Variants in TUBG2 observed in about 807,000 individuals in gnomAD.
The protein encoded by TUBG2 is tubulin gamma-2 chain.
A neutral mutation model predicts 55.1 loss-of-function variants in TUBG2; 39 were observed. The ratio of observed to expected loss-of-function variants is 0.71; its 90% CI spans 0.55 to 0.93. The LOEUF (loss-of-function observed/expected upper bound fraction) is 0.93. TUBG2 is among the 40% of genes least tolerant of loss of function. The pLI is 0.00. For synonymous variants in TUBG2, 223 were observed against 241.0 expected (o/e 0.93, Z 0.69); for missense variants, 358 against 599.1 (o/e 0.60, Z 4.20).
At chr17:42,664,442 A>G (rs753579179) in intron 6 of TUBG2, among the ~76,000 whole-genome samples, 43 of 152,186 alleles carry the variant, frequency 2.8e-4, no homozygotes, top group Non-Finnish European at 5.1e-4. Context: ...GTTTCTTAGA[A>G]TCCTTTTAGG....
At chr17:42,665,586 T>C (rs2052510985) in intron 7 of TUBG2, 24 bp downstream of exon 7, 3 of 1,613,962 alleles carry the variant, frequency 1.9e-6, no homozygotes, top group Non-Finnish European at 2.5e-6. Context: ...CCCGGACTCC[T>C]TTGGACTGGA....
intron 3 of TUBG2, 47 bp downstream of exon 3, chr17:42,660,363 G>T (rs780637715): frequency 5.0e-6 from 8 of 1,611,664 alleles, no homozygotes; most frequent in South Asian, 2.2e-5. Flanking sequence ...CCATCCAGAG[G>T]CAAGGCAGGC....
intron 4 of TUBG2, chr17:42,660,949 C>T: frequency 2.2e-6 from 1 of 452,346 alleles, no homozygotes; most frequent in Non-Finnish European, 4.1e-6. Context: ...AGCTCCAAAC[C>T]TTCCCAAGGA....
In TUBG2 at chr17:42,666,834, G is replaced by A. The variant is rs780532807; in HGVS notation, c.*34G>A. On this transcript the variant is annotated 3_prime_UTR_variant, in exon 11 of 11. Transcript: ENST00000251412. ...CCCACTACTCCTTCTCCTTCTAGAT[G>A]GTAACCACAGCCTCGACCATGCCTG... The A allele has an allele frequency of 6.2e-7, 1 of 1,611,562 alleles. No individual in the cohort carries two copies.
Position 42,666,080 on chromosome 17 carries a change from C to T in TUBG2, c.844-7C>T, listed in dbSNP as rs374514050. The T allele has an allele frequency of 4.3e-6, 7 of 1,613,840 alleles. No individual in the cohort carries two copies. In the African/African-American group the frequency reaches 9.3e-5, roughly 22 times the overall value. ...CTGGCCGGGTCCCTGTCTCACTGTCCCATCAGGTGGCCAGCGTGAGGAAGA... is the reference window on the plus strand; with the variant it reads ...CTGGCCGGGTCCCTGTCTCACTGTCTCATCAGGTGGCCAGCGTGAGGAAGA... On this transcript the variant is annotated splice_region_variant and splice_polypyrimidine_tract_variant and intron_variant, in intron 8 of 10. Transcript: ENST00000251412.
rs1597774500 is a variant in TUBG2 at position 42,663,489 on chromosome 17, A to G, written c.592A>G (p.Asn198Asp). ...CCTGACACTCAAGAGGCTGACGCAGAACGCAGATTGTGTGGTGAGCAAAGA... is the reference window on the plus strand; with the variant it reads ...CCTGACACTCAAGAGGCTGACGCAGGACGCAGATTGTGTGGTGAGCAAAGA... ...SLLTLKRLTQ[N>D]ADCVVVLDNT... Residue 198 changes from asparagine to aspartate, a missense_variant, in exon 6 of 11, where the codon AAC (asparagine) becomes GAC (aspartate). By Grantham distance (23) the Asn-to-Asp change is conservative (BLOSUM62 1). Coordinates refer to ENST00000251412, the MANE Select transcript of TUBG2 (RefSeq NM_016437.3). 1 of 1,614,064 alleles carries G rather than the reference A, an allele frequency of 6.2e-7. No individual in the cohort carries two copies. Among genetic ancestry groups the G allele is most frequent in the East Asian group, 2.2e-5 (1 of 44,880 alleles).
At chr17:42,659,658 GC>G (rs533938927) in intron 1 of TUBG2, 106 bp downstream of exon 1, 4 of 1,394,604 alleles carry the variant, frequency 2.9e-6, no homozygotes, top group South Asian at 2.8e-5. Context: ...TGAACCCCCT[GC>G]CCTGCTGCTC....
At chr17:42,662,001 C>T (rs1240779947) in intron 4 of TUBG2, among the ~76,000 whole-genome samples, 1 of 152,172 alleles carries the variant, frequency 6.6e-6, no homozygotes, top group African/African-American at 2.4e-5. Context: ...AGGATGTAAA[C>T]ACATCACAAA....
rs182858679 is a variant in TUBG2 at position 42,664,153 on chromosome 17, G to A, written c.606+650G>A. On this transcript the variant is annotated intron_variant, in intron 6 of 10. Coordinates refer to ENST00000251412, the MANE Select transcript of TUBG2 (RefSeq NM_016437.3). Reference sequence around the variant, plus strand: ...TAGCCGGGCATGGTGGCATGTGCCTGTAGTACTAGCTACATGGGAGGCTGA... The same window carrying A: ...TAGCCGGGCATGGTGGCATGTGCCTATAGTACTAGCTACATGGGAGGCTGA... 5.6e-3 allele frequency among the ~76,000 whole-genome samples: 848 copies of A among 152,026 alleles called. 10 individuals are homozygous for A. The highest frequency in any genetic ancestry group is 0.014 in the African/African-American group (592 of 41,442).
intron 8 of TUBG2, 81 bp downstream of exon 8, chr17:42,665,908 T>C: frequency 6.2e-7 from 1 of 1,600,220 alleles, no homozygotes; most frequent in Non-Finnish European, 8.5e-7. Flanking sequence ...TCTTCCCCAC[T>C]GCCCCAGGAG....
chr17:42,660,169 C>T lies in TUBG2; in HGVS notation c.183C>T (p.Ile61=), dbSNP rs753734542. The T allele has an allele frequency of 2.5e-6, 4 of 1,603,148 alleles. No homozygotes were observed. Among genetic ancestry groups the T allele is most frequent in the Middle Eastern group, 1.7e-4 (1 of 6,024 alleles). Residue 61 remains isoleucine (I), a synonymous_variant, in exon 3 of 11, where the codon ATC becomes ATT. Coordinates refer to ENST00000251412, the MANE Select transcript of TUBG2 (RefSeq NM_016437.3). ...FFYQADDEHY[I]PRAVLLDLEP... ...GACAGGCAGACGATGAGCACTACAT[C>T]CCCCGGGCCGTGCTGCTGGACTTGG...
At chr17:42,663,107 T>C in intron 5 of TUBG2, 55 bp downstream of exon 5, 1 of 1,569,022 alleles carries the variant, frequency 6.4e-7, no homozygotes, top group Admixed American at 1.7e-5. Flanking sequence ...GTAATGTCAT[T>C]GCTTTTTTCT....
intron 8 of TUBG2, 127 bp downstream of exon 8, chr17:42,665,954 G>A: frequency 6.3e-7 from 1 of 1,587,240 alleles, no homozygotes; most frequent in South Asian, 1.2e-5. Context: ...TGCGCTCAGG[G>A]ACTGGCACAG....
At chr17:42,661,764 G>T (rs1291566746) in intron 4 of TUBG2, among the ~76,000 whole-genome samples, 1 of 152,222 alleles carries the variant, frequency 6.6e-6, no homozygotes, top group Admixed American at 6.5e-5. Flanking sequence ...ATGAACGTAA[G>T]TAAGTGTCTC....
chr17:42,662,116 G>A (rs750276935), intron 4 of TUBG2, among the ~76,000 whole-genome samples: 5 of 151,964 alleles, frequency 3.3e-5, no homozygotes, highest in Non-Finnish European at 5.9e-5. Context: ...ACCAGCCTGG[G>A]CAACATGGTG....
At chr17:42,663,761 T>G (rs1279760521) in intron 6 of TUBG2, among the ~76,000 whole-genome samples, 1 of 151,974 alleles carries the variant, frequency 6.6e-6, no homozygotes, top group Non-Finnish European at 1.5e-5. Context: ...CTGACCAACA[T>G]GAAGAAACCC....
chr17:42,660,262 C>T lies in TUBG2; in HGVS notation c.276C>T (p.Tyr92=). The T allele has an allele frequency of 1.9e-6, 3 of 1,613,994 alleles. No homozygotes were observed. The highest frequency in any genetic ancestry group is 2.5e-6 in the Non-Finnish European group (3 of 1,179,996). Residue 92 remains tyrosine (Y), a synonymous_variant, in exon 3 of 11, where the codon TAC becomes TAT. Transcript: ENST00000251412. ...AGCTCTACAACCCAGAGAACATCTA[C>T]CTGTCGGAACATGGAGGAGGAGCTG... ...YAKLYNPENI[Y]LSEHGGGAGN... is the part of the protein sequence containing the mutation.
In TUBG2 at chr17:42,659,566, C is replaced by T; in HGVS notation, c.49+14C>T. 2 of 1,512,768 alleles carry T rather than the reference C, an allele frequency of 1.3e-6. No individual in the cohort carries two copies. The highest frequency in any genetic ancestry group is 1.3e-5 in the South Asian group (1 of 75,744). 93.7% of individuals were successfully genotyped at this position (1,512,768 alleles called of 1,614,324 possible). On this transcript the variant is annotated intron_variant, in intron 1 of 10. Transcript: ENST00000251412. ...GCGGCAACCAGAGTGAGCAAGCGAG[C>T]GCCGGCCCCGCCGGTCTCTGGTTCT... is the stretch of plus-strand genomic sequence containing the variant.
At position 42,663,222 on chromosome 17, in the gene TUBG2, G is replaced by C. The variant is rs185788871; in HGVS notation, c.480-155G>C. Among the ~76,000 whole-genome samples the C allele has an allele frequency of 2.4e-3, 371 of 152,208 alleles. 5 individuals carry two copies. Among genetic ancestry groups the C allele is most frequent in the Admixed American group, 0.024 (359 of 15,270 alleles). On this transcript the variant is annotated intron_variant, in intron 5 of 10. Coordinates refer to ENST00000251412, the MANE Select transcript of TUBG2 (RefSeq NM_016437.3). ...GGGGGGTGGGGGTTTACCTGTGGAG[G>C]GGAGGGGATCTACAGAGTTTGAAGC...
Sources: allele counts gnomAD v4.1 joint callset (sites outside exome capture counted in the v4.1 genomes callset), GRCh38; gene constraint gnomAD v4.1.1; transcripts MANE v1.5; gene names NCBI Gene and HGNC (gene_info 2026-07-23, HGNC 2026-07-21).